Variants in ADGRV1 observed in about 807,000 individuals in gnomAD.
The protein encoded by ADGRV1 is adhesion G protein-coupled receptor V1, also known as G-protein coupled receptor 98.
Under a neutral mutation model 596.2 loss-of-function variants are expected in ADGRV1, and 359 were observed. The ratio of observed to expected loss-of-function variants is 0.60; its 90% CI spans 0.55 to 0.66. The LOEUF is 0.66. ADGRV1 is among the 30% of genes least tolerant of loss of function. The pLI is 0.00. For missense variants in ADGRV1, 7,274 were observed against 7,575.6 expected (o/e 0.96, Z 1.48); for synonymous variants, 2,681 against 2,679.2 (o/e 1.00, Z -0.02).
chr5:91,160,039 T>G (rs1032649399), intron 89 of ADGRV1, among the ~76,000 whole-genome samples: 2 of 152,156 alleles, frequency 1.3e-5, no homozygotes, highest in Non-Finnish European at 2.9e-5. Context: ...TTCCCCACCA[T>G]CCCCAGCCCC....
chr5:90,768,943 G>A (rs1757415503), intron 59 of ADGRV1, among the ~76,000 whole-genome samples: 1 of 152,194 alleles, frequency 6.6e-6, no homozygotes, highest in South Asian at 2.1e-4. Context: ...TGATGCTACA[G>A]TATACTACAG....
chr5:90,705,804 A>G (rs985353721), intron 37 of ADGRV1, among the ~76,000 whole-genome samples: 1 of 152,228 alleles, frequency 6.6e-6, no homozygotes, highest in Non-Finnish European at 1.5e-5. Flanking sequence ...TCAGCAGCAT[A>G]CAGTAATTTA....
rs369982583 is a variant in ADGRV1 at position 90,614,641 on chromosome 5, C to T, written c.23-194C>T. The T allele has an allele frequency of 5.5e-4, 348 of 634,278 alleles. 4 individuals carry two copies. Among genetic ancestry groups the T allele is most frequent in the South Asian group, 5.2e-3 (331 of 63,192 alleles). The allele number at this position is 634,278 out of a possible 1,614,324, so 39.3% of individuals were successfully genotyped here. A position where few individuals can be genotyped will look rare whatever the true frequency, so the allele number is the denominator to read the frequency against. ...TACTTCTGAATAGTAGAAAGAGAAC[C>T]GTAAGAATAGAATCGTGTTTTTTTA... On this transcript the variant is annotated intron_variant, in intron 1 of 89. Transcript: ENST00000405460.
chr5:90,725,582 G>A lies in ADGRV1; in HGVS notation c.10087G>A (p.Val3363Ile). The part of the protein sequence containing the change: ...QTIIILESSQ[V>I]RYFTSDSQDY... Reference sequence around the variant, plus strand: ...AATCATTATTCTGGAAAGTTCTCAAGTAAGATATTTTACTTCAGACAGCCA... The same window carrying A: ...AATCATTATTCTGGAAAGTTCTCAAATAAGATATTTTACTTCAGACAGCCA... The change falls in exon 48 of 90, where the codon GTA becomes ATA. Residue 3363 changes from valine to isoleucine, a missense_variant. Val to Ile is a conservative substitution (Grantham distance 29). This residue lies in a region of ADGRV1 where 3,643 missense variants were observed against 3,809.2 expected (regional missense o/e 0.96). Transcript: ENST00000405460. 2.5e-6 allele frequency: 4 copies of A among 1,581,266 alleles called. No homozygotes were observed. Among genetic ancestry groups the A allele is most frequent in the East Asian group, 2.2e-5 (1 of 44,528 alleles).
In ADGRV1 at chr5:90,625,121, T is replaced by C. The variant is rs1251177774; in HGVS notation, c.559-9T>C. ...GCATTTATTGATGGCATTTTGTGTT[T>C]CTTTGCAGGTAGAGGGTGGCCCAAA... is the stretch of plus-strand genomic sequence containing the variant. On this transcript the variant is annotated splice_polypyrimidine_tract_variant and intron_variant, in intron 5 of 89. Transcript: ENST00000405460. The C allele has an allele frequency of 1.3e-6, 2 of 1,554,278 alleles. No individual in the cohort carries two copies. The highest frequency in any genetic ancestry group is 2.7e-5 in the African/African-American group (2 of 73,616).
intron 84 of ADGRV1, among the ~76,000 whole-genome samples, chr5:90,969,100 T>C (rs1016511200): frequency 8.5e-5 from 13 of 152,174 alleles, no homozygotes; most frequent in Admixed American, 3.3e-4. Flanking sequence ...GAAAATTTTA[T>C]TGGTAAACAA....
Position 90,853,401 on chromosome 5 carries a change from A to G in ADGRV1, c.17322A>G (p.Pro5774=), listed in dbSNP as rs1475967362. The G allele has an allele frequency of 1.2e-6, 2 of 1,613,630 alleles. No individual in the cohort carries two copies. Among genetic ancestry groups the G allele is most frequent in the South Asian group, 1.1e-5 (1 of 91,052 alleles). ...EGKEGDYIRI[P]ERLLDVQDAE... ...AGGAAGGAGATTACATTCGAATTCC[A>G]GAGAGGCTACTGGATGTCCAGGATG... is the stretch of plus-strand genomic sequence containing the variant. Residue 5774 remains proline (P), a synonymous_variant, in exon 80 of 90, where the codon CCA becomes CCG. Coordinates refer to ENST00000405460, the MANE Select transcript of ADGRV1 (RefSeq NM_032119.4).
intron 83 of ADGRV1, among the ~76,000 whole-genome samples, chr5:90,944,939 T>A (rs1373646239): frequency 2.6e-5 from 4 of 152,190 alleles, no homozygotes; most frequent in Non-Finnish European, 5.9e-5. Flanking sequence ...ATTTACTTTT[T>A]AAAATTAAAT....
intron 76 of ADGRV1, among the ~76,000 whole-genome samples, chr5:90,825,117 A>T: frequency 6.6e-6 from 1 of 152,054 alleles, no homozygotes; most frequent in East Asian, 1.9e-4. Context: ...TTGTATTTTT[A>T]GTAGAGACGG....
At chr5:90,740,136 G>T (rs1478169537) in intron 50 of ADGRV1, among the ~76,000 whole-genome samples, 1 of 152,168 alleles carries the variant, frequency 6.6e-6, no homozygotes, top group African/African-American at 2.4e-5. Context: ...AGCTGGGTCT[G>T]AGTAGGGTCA....
At chr5:90,692,231 T>C (rs1746568478) in intron 31 of ADGRV1, among the ~76,000 whole-genome samples, 1 of 152,162 alleles carries the variant, frequency 6.6e-6, no homozygotes, top group Non-Finnish European at 1.5e-5. Flanking sequence ...GCATAGTATA[T>C]TAACGCTCCA....
At chr5:90,720,507 T>C (rs933406630) in intron 44 of ADGRV1, among the ~76,000 whole-genome samples, 1 of 152,132 alleles carries the variant, frequency 6.6e-6, no homozygotes, top group African/African-American at 2.4e-5. Flanking sequence ...TTAAAAATAA[T>C]AAAAAGCAAG....
intron 85 of ADGRV1, among the ~76,000 whole-genome samples, chr5:91,028,530 A>G (rs1445946044): frequency 6.6e-6 from 1 of 152,026 alleles, no homozygotes; most frequent in Non-Finnish European, 1.5e-5. Context: ...ATATTTTCTC[A>G]GTAATGACGC....
At chr5:90,942,692 A>G (rs1776258589) in intron 83 of ADGRV1, among the ~76,000 whole-genome samples, 1 of 152,160 alleles carries the variant, frequency 6.6e-6, no homozygotes, top group Non-Finnish European at 1.5e-5. Context: ...CCACCTAATC[A>G]TTCCTTATGG....
intron 85 of ADGRV1, among the ~76,000 whole-genome samples, chr5:91,025,169 C>T (rs1216003784): frequency 6.6e-6 from 1 of 152,086 alleles, no homozygotes; most frequent in Non-Finnish European, 1.5e-5. Flanking sequence ...TCTAACATTT[C>T]CGTGCTTTTC....
Position 90,823,708 on chromosome 5 carries a change from GT to G in ADGRV1, c.16368+117del, listed in dbSNP as rs975345537. On this transcript the variant is annotated intron_variant, in intron 76 of 89. Coordinates refer to ENST00000405460, the MANE Select transcript of ADGRV1 (RefSeq NM_032119.4). ...CATTGTTGATAGGGAGATTCTTTGT[GT>G]TTTTCTTAGCCATAATGTCTAAATC... 14 of 918,362 alleles carry G rather than the reference GT, an allele frequency of 1.5e-5. No individual in the cohort carries two copies. The African/African-American group carries it at 1.8e-4, about 12-fold the overall frequency. 56.9% of individuals were successfully genotyped at this position (918,362 alleles called of 1,614,324 possible). A position where few individuals can be genotyped will look rare whatever the true frequency, so the allele number is the denominator to read the frequency against.
intron 85 of ADGRV1, among the ~76,000 whole-genome samples, chr5:91,056,391 T>C (rs1786858834): frequency 3.3e-5 from 5 of 152,168 alleles, no homozygotes; most frequent in Admixed American, 3.3e-4. Flanking sequence ...GTCCAACCAC[T>C]GAGCTGGTCA....
intron 1 of ADGRV1, among the ~76,000 whole-genome samples, chr5:90,589,416 A>G (rs1278712524): frequency 2.0e-5 from 3 of 152,224 alleles, no homozygotes; most frequent in Non-Finnish European, 4.4e-5. Context: ...TGTGAAATAC[A>G]TGCATGTGGA....
At chr5:91,109,793 T>C (rs1481553994) in intron 87 of ADGRV1, among the ~76,000 whole-genome samples, 1 of 152,182 alleles carries the variant, frequency 6.6e-6, no homozygotes, top group Non-Finnish European at 1.5e-5. Context: ...AAGAGTCAAG[T>C]TGGTTTCATA....
Sources: gnomAD v4.1 joint callset for allele counts (sites outside exome capture counted in the v4.1 genomes callset) on GRCh38, gnomAD v4.1.1 for gene constraint, gnomAD v4.1.1 regional missense constraint, MANE v1.5 for transcripts, NCBI Gene and HGNC (gene_info 2026-07-23, HGNC 2026-07-21) for gene names.